The following GREB1 variants were observed in gnomAD, a reference collection of about 807,000 sequenced individuals.
The protein encoded by GREB1 is protein GREB1.
A neutral mutation model predicts 200.7 loss-of-function variants in GREB1; 106 were observed. That is an observed-to-expected ratio of 0.53 (90% CI 0.45 to 0.62). The LOEUF is 0.62. Among genes scored for constraint, GREB1 ranks in the 20% least tolerant of loss-of-function variants. GREB1 has a pLI of 0.00. For synonymous variants in GREB1, 1,132 were observed against 1,092.4 expected, an observed-to-expected ratio of 1.04 and a Z score of -0.72; for missense variants, 2,243 against 2,556.8, an observed-to-expected ratio of 0.88 and a Z score of 2.65.
intron 1 of GREB1, among the ~76,000 whole-genome samples, chr2:11,497,339 T>G (rs1251000869): frequency 6.6e-6 from 1 of 152,224 alleles, no homozygotes; most frequent in Non-Finnish European, 1.5e-5. Flanking sequence ...TTTCATGATA[T>G]TGATGGACCA....
chr2:11,497,734 C>T (rs948148837), intron 1 of GREB1, among the ~76,000 whole-genome samples: 5 of 152,096 alleles, frequency 3.3e-5, no homozygotes, highest in Non-Finnish European at 7.4e-5. Flanking sequence ...TGACACTGAA[C>T]ATCTTTTCGT....
In GREB1 at chr2:11,618,344, C is replaced by G; in HGVS notation, c.3469C>G (p.His1157Asp). The change falls in exon 22 of 33, where the codon CAT becomes GAT. Residue 1157 changes from histidine to aspartate, a missense_variant. By Grantham distance (81) the His-to-Asp change is moderately conservative. Coordinates refer to ENST00000381486, the MANE Select transcript of GREB1 (RefSeq NM_014668.4). ...AQPTALPQGE[H>D]ARSPQPRGPA... is the part of the protein sequence containing the mutation. ...GCCCACAGCACTCCCCCAGGGAGAG[C>G]ATGCCAGGTCGCCCCAGCCCCGTGG... The G allele has an allele frequency of 6.2e-7, 1 of 1,606,818 alleles. No individual in the cohort carries two copies. Among genetic ancestry groups the G allele is most frequent in the South Asian group, 1.1e-5 (1 of 90,480 alleles).
intron 17 of GREB1, among the ~76,000 whole-genome samples, chr2:11,604,917 T>A (rs2148265694): frequency 6.6e-6 from 1 of 152,314 alleles, no homozygotes; most frequent in East Asian, 1.9e-4. Context: ...GAAAACTGCT[T>A]GTAGGACTGT....
intron 1 of GREB1, among the ~76,000 whole-genome samples, chr2:11,525,689 C>T (rs991499819): frequency 1.3e-5 from 2 of 152,076 alleles, no homozygotes; most frequent in Admixed American, 6.5e-5. Context: ...ACACCACTCT[C>T]CAGGCCAGGA....
chr2:11,616,303 C>T (rs2304400), intron 20 of GREB1, among the ~76,000 whole-genome samples: 57,547 of 152,164 alleles, frequency 0.38, 12,660 homozygotes, highest in East Asian at 0.5. Context: ...TTCAGGGCGA[C>T]GGCCAGATGC....
intron 2 of GREB1, 134 bp from the exon 3 acceptor site, chr2:11,562,329 G>A (rs1677145888): frequency 9.0e-7 from 1 of 1,111,370 alleles, no homozygotes; most frequent in African/African-American, 1.6e-5. Flanking sequence ...AAGGATGGGT[G>A]GAACCCATTC....
rs765549350 is a variant in GREB1 at position 11,580,821 on chromosome 2, C to G, written c.890C>G (p.Pro297Arg). The G allele has an allele frequency of 4.3e-6, 7 of 1,614,150 alleles. No homozygotes were observed. The East Asian group carries it at 1.6e-4, about 36-fold the overall frequency. The change falls in exon 7 of 33, where the codon CCA becomes CGA. Residue 297 changes from proline to arginine, a missense_variant. Pro to Arg is a moderately radical substitution (Grantham distance 103, BLOSUM62 -2). Coordinates refer to ENST00000381486, the MANE Select transcript of GREB1 (RefSeq NM_014668.4). The surrounding 1 kb of genome is among the most constrained non-coding windows in gnomAD (Gnocchi z 4.5). ...AKNNLLALPR[P>R]SALGILSNSG... is the part of the protein sequence containing the mutation. ...AATAACCTGTTGGCCCTGCCGCGAC[C>G]ATCGGCTTTAGGTAGCTCTGCCTGT...
intron 29 of GREB1, 105 bp downstream of exon 29, chr2:11,634,454 C>T (rs1373101054): frequency 3.8e-6 from 3 of 786,008 alleles, no homozygotes; most frequent in Non-Finnish European, 6.3e-6. Context: ...TGAGCACTGA[C>T]CTGGCCTTGC....
At chr2:11,509,042 T>G (rs1200911893) in intron 1 of GREB1, among the ~76,000 whole-genome samples, 1 of 151,366 alleles carries the variant, frequency 6.6e-6, no homozygotes, top group Non-Finnish European at 1.5e-5. Context: ...GCCCGGCTAA[T>G]TTTTTTGTAT....
At chr2:11,542,202 G>A (rs1674822900) in intron 1 of GREB1, among the ~76,000 whole-genome samples, 1 of 152,056 alleles carries the variant, frequency 6.6e-6, no homozygotes, top group Non-Finnish European at 1.5e-5. Context: ...CTTTGTTTAA[G>A]GCAAAATCCT....
intron 11 of GREB1, 141 bp from the exon 12 acceptor site, chr2:11,595,110 C>A: frequency 1.5e-6 from 1 of 676,330 alleles, no homozygotes; most frequent in Non-Finnish European, 2.5e-6. Flanking sequence ...GACAGCAGGC[C>A]TGGGAGGTAG....
Position 11,602,411 on chromosome 2 carries a change from G to A in GREB1, c.2535G>A (p.Val845=). The A allele has an allele frequency of 6.2e-7, 1 of 1,613,404 alleles. No homozygotes were observed. Among genetic ancestry groups the A allele is most frequent in the Non-Finnish European group, 8.5e-7 (1 of 1,179,420 alleles). ...GACGCTCTTCTTTGTTTTAGGGAGT[G>A]GACTTATATCATGAAAATAAGAAGT... ...IHWPASCSNG[V]DLYHENKKYF... Residue 845 remains valine (V), a synonymous_variant, in exon 17 of 33, where the codon GTG becomes GTA. Transcript: ENST00000381486.
chr2:11,563,833 G>A (rs1018051371), intron 3 of GREB1, among the ~76,000 whole-genome samples: 6 of 152,186 alleles, frequency 3.9e-5, no homozygotes, highest in Admixed American at 6.5e-5. Flanking sequence ...TCTTTGCTCT[G>A]GAAATATGGA....
At chr2:11,544,446 G>A (rs1326394680) in intron 1 of GREB1, among the ~76,000 whole-genome samples, 2 of 152,118 alleles carry the variant, frequency 1.3e-5, no homozygotes, top group Admixed American at 1.3e-4. Context: ...TCGATCTCCT[G>A]ACTTTGTGAT....
intron 4 of GREB1, among the ~76,000 whole-genome samples, chr2:11,574,619 G>C (rs917260236): frequency 3.3e-5 from 5 of 152,232 alleles, no homozygotes; most frequent in African/African-American, 1.2e-4. Flanking sequence ...TGCCAGGCCT[G>C]TGGGTGAGAA....
At chr2:11,636,749 TGGGCAGGGGCAAGGGCAGGGGCAG>T (rs1365585870) in intron 30 of GREB1, among the ~76,000 whole-genome samples, 4 of 73,544 alleles carry the variant, frequency 5.4e-5, no homozygotes, top group Non-Finnish European at 1.2e-4. Context: ...GGCATGGGCA[TGGGCAGGGGCAAGGGCAGGGGCAG>T]GGGCAGGGGC....
chr2:11,625,530 C>T (rs534209367), intron 24 of GREB1, among the ~76,000 whole-genome samples: 16 of 152,300 alleles, frequency 1.1e-4, no homozygotes, highest in Admixed American at 4.6e-4. Context: ...GTGACAATGA[C>T]GACACCCTTG....
At chr2:11,591,991 T>C in intron 10 of GREB1, 1 of 984,802 alleles carries the variant, frequency 1.0e-6, no homozygotes, top group Non-Finnish European at 1.2e-6. Context: ...CAGCAATACA[T>C]GTTTTTATTC....
At position 11,510,204 on chromosome 2, in the gene GREB1, A is replaced by G. The variant is rs550642526; in HGVS notation, c.-159+27823A>G. On this transcript the variant is annotated intron_variant, in intron 1 of 2. Coordinates refer to the GREB1 transcript ENST00000628795. ...ATATTCAGTAAATTAGTAATTTGAT[A>G]TAGGGACTGGATCAGATTCAGATTT... Among the ~76,000 whole-genome samples, 29 of 152,354 alleles carry G rather than the reference A, an allele frequency of 1.9e-4. 1 individual carries two copies. In the South Asian group the frequency reaches 4.6e-3, roughly 24 times the overall value.
Sources: allele counts gnomAD v4.1 joint callset (sites outside exome capture counted in the v4.1 genomes callset), GRCh38; gene constraint gnomAD v4.1.1; non-coding constraint Gnocchi (gnomAD v3.1); transcripts MANE v1.5; gene names NCBI Gene and HGNC (gene_info 2026-07-23, HGNC 2026-07-21).